Variants in TCTN2 observed in about 807,000 individuals in gnomAD.
The protein encoded by TCTN2 is tectonic family member 2.
Under a neutral mutation model 83.4 loss-of-function variants are expected in TCTN2, and 66 were observed. The observed-to-expected ratio is 0.79, with a 90% CI of 0.65 to 0.97. The LOEUF (loss-of-function observed/expected upper bound fraction) is 0.97. Ranked by LOEUF, TCTN2 falls within the 50% of genes least tolerant of loss-of-function variation. TCTN2 has a pLI of 0.00. For missense variants in TCTN2, 794 were observed against 858.1 expected, an observed-to-expected ratio of 0.93 and a Z score of 0.93; for synonymous variants, 301 against 326.7, an observed-to-expected ratio of 0.92 and a Z score of 0.85.
chr12:123,683,062 A>T (rs1955918952), intron 5 of TCTN2, among the ~76,000 whole-genome samples: 1 of 151,070 alleles, frequency 6.6e-6, no homozygotes, highest in Admixed American at 6.6e-5. Context: ...CATCTGTACT[A>T]AAATACAAAA....
chr12:123,696,392 G>A lies in TCTN2; in HGVS notation c.1313-23G>A, dbSNP rs759484345. ...GCTATGCTGGAGGAAACAGGCTCAC[G>A]TTCCTTTGTTGTGTTTGTCTAGGTT... On this transcript the variant is annotated intron_variant, in intron 11 of 17. Coordinates refer to ENST00000303372, the MANE Select transcript of TCTN2 (RefSeq NM_024809.5). 8 of 1,602,682 alleles carry A rather than the reference G, an allele frequency of 5.0e-6. No individual in the cohort carries two copies. In the Admixed American group the frequency reaches 5.0e-5, roughly 10 times the overall value.
intron 5 of TCTN2, among the ~76,000 whole-genome samples, chr12:123,684,719 T>C (rs1955942824): frequency 6.6e-6 from 1 of 151,930 alleles, no homozygotes; most frequent in African/African-American, 2.4e-5. Context: ...ATTTTTACAC[T>C]AAAAATTATC....
intron 7 of TCTN2, among the ~76,000 whole-genome samples, 186 bp from the exon 8 acceptor site, chr12:123,690,347 A>G (rs1464082970): frequency 6.6e-6 from 1 of 152,218 alleles, no homozygotes; most frequent in Non-Finnish European, 1.5e-5. Context: ...TGGCTTCCAG[A>G]CCTTGATGGG....
At chr12:123,687,945 C>A (rs1056333875) in intron 6 of TCTN2, 106 bp from the exon 7 acceptor site, 1 of 1,472,586 alleles carries the variant, frequency 6.8e-7, no homozygotes, top group Non-Finnish European at 9.4e-7. Context: ...GCCTGGGTGA[C>A]AGAGTGAGAC....
Position 123,696,289 on chromosome 12 carries a change from A to G in TCTN2, c.1313-126A>G, listed in dbSNP as rs545100601. 2.8e-5 allele frequency: 22 copies of G among 775,936 alleles called. No homozygotes were observed. The East Asian group carries it at 5.5e-4, about 19-fold the overall frequency. The allele number at this position is 775,936 out of a possible 1,614,324, so 48.1% of individuals were successfully genotyped here. A position where few individuals can be genotyped will look rare whatever the true frequency, so the allele number is the denominator to read the frequency against. On this transcript the variant is annotated intron_variant, in intron 11 of 17. Coordinates refer to ENST00000303372, the MANE Select transcript of TCTN2 (RefSeq NM_024809.5). ...ACCCGAAGTTGCCATCTTTCTCTCA[A>G]GGGTATTTTCGAAAGCTTCGCCTAT...
chr12:123,696,080 G>A, intron 11 of TCTN2: 1 of 334,782 alleles, frequency 3.0e-6, no homozygotes, highest in Non-Finnish European at 5.8e-6. Flanking sequence ...CTGACCTCAG[G>A]TGATCCACCC....
intron 13 of TCTN2, among the ~76,000 whole-genome samples, chr12:123,699,264 C>T (rs1956144688): frequency 6.6e-6 from 1 of 151,804 alleles, no homozygotes; most frequent in South Asian, 2.1e-4. Flanking sequence ...ATGCGCTCCT[C>T]CCACCTCAGC....
At chr12:123,701,678 G>C (rs1171291071) in intron 14 of TCTN2, among the ~76,000 whole-genome samples, 1 of 151,758 alleles carries the variant, frequency 6.6e-6, no homozygotes, top group African/African-American at 2.4e-5. Flanking sequence ...GGGAGGCGGA[G>C]CTTGCTGTGA....
At chr12:123,691,120 A>C (rs577751253) in intron 8 of TCTN2, among the ~76,000 whole-genome samples, 2 of 152,150 alleles carry the variant, frequency 1.3e-5, no homozygotes, top group Admixed American at 1.3e-4. Flanking sequence ...CCACTCTCCT[A>C]GGCCTCCCAA....
intron 4 of TCTN2, among the ~76,000 whole-genome samples, chr12:123,678,515 T>G (rs1490436853): frequency 1.3e-5 from 2 of 152,202 alleles, no homozygotes; most frequent in African/African-American, 4.8e-5. Flanking sequence ...CTTGAACTCC[T>G]GACCTCAGGT....
At chr12:123,671,734 G>A (rs1955755798) in intron 2 of TCTN2, 120 bp downstream of exon 2, 1 of 837,314 alleles carries the variant, frequency 1.2e-6, no homozygotes, top group South Asian at 1.5e-5. Context: ...AGTCGCATGG[G>A]GAGAAAAGGA....
intron 13 of TCTN2, 134 bp downstream of exon 13, chr12:123,697,332 C>T (rs1956122077): frequency 1.4e-6 from 1 of 736,016 alleles, no homozygotes; most frequent in Non-Finnish European, 2.4e-6. Context: ...ATAATAAATA[C>T]AGACATGTAA....
intron 5 of TCTN2, among the ~76,000 whole-genome samples, chr12:123,681,278 G>GA (rs1304466041): frequency 7.1e-6 from 1 of 140,970 alleles, no homozygotes; most frequent in East Asian, 1.9e-4. Flanking sequence ...AAGAAAGAAA[G>GA]AAATCACAGG....
Position 123,706,811 on chromosome 12 carries a change from T to C in TCTN2, c.1855T>C (p.Phe619Leu), listed in dbSNP as rs1487801486. ...TCTCCCTATCAGTGCATCCGTCCAGTTTATTAAAATTCCTGCACAGTTACC... is the reference window on the plus strand; with the variant it reads ...TCTCCCTATCAGTGCATCCGTCCAGCTTATTAAAATTCCTGCACAGTTACC... ...DLLPISASVQ[F>L]IKIPAQLPHP... is the part of the protein sequence containing the mutation. Residue 619 changes from phenylalanine (F) to leucine (L), a missense_variant, in exon 16 of 18, where the codon TTT becomes CTT. Transcript: ENST00000303372. 6.2e-7 allele frequency: 1 copy of C among 1,614,158 alleles called. No individual in the cohort carries two copies. Among genetic ancestry groups the C allele is most frequent in the Non-Finnish European group, 8.5e-7 (1 of 1,180,024 alleles).
At chr12:123,672,740 C>T (rs1298504407) in intron 3 of TCTN2, among the ~76,000 whole-genome samples, 3 of 151,490 alleles carry the variant, frequency 2.0e-5, no homozygotes, top group African/African-American at 7.3e-5. Context: ...CAGAGCAAGA[C>T]CCTGTCTCTT....
At chr12:123,705,736 C>T (rs182646396) in intron 15 of TCTN2, among the ~76,000 whole-genome samples, 5 of 150,942 alleles carry the variant, frequency 3.3e-5, no homozygotes, top group African/African-American at 1.2e-4. Flanking sequence ...AAGCCCCTTT[C>T]CTCCTCTTTC....
intron 14 of TCTN2, among the ~76,000 whole-genome samples, chr12:123,701,234 C>T (rs1054180097): frequency 2.6e-5 from 4 of 152,024 alleles, no homozygotes; most frequent in Non-Finnish European, 4.4e-5. Context: ...TAGTGGATGC[C>T]GGAGGTGGAG....
In TCTN2 at chr12:123,707,763, C is replaced by G. The variant is rs372047920; in HGVS notation, c.*50C>G. The G allele has an allele frequency of 1.4e-6, 2 of 1,459,428 alleles. No homozygotes were observed. The highest frequency in any genetic ancestry group is 1.9e-6 in the Non-Finnish European group (2 of 1,040,932). 90.4% of individuals were successfully genotyped at this position (1,459,428 alleles called of 1,614,324 possible). On this transcript the variant is annotated 3_prime_UTR_variant, in exon 18 of 18. Transcript: ENST00000303372. ...TGAGATGGAGTTTTGCTCTTGTTGC[C>G]CAGGCTGAAGTGATCTCGGCTCACC...
intron 13 of TCTN2, among the ~76,000 whole-genome samples, chr12:123,697,552 T>A (rs1480204728): frequency 2.0e-5 from 3 of 152,170 alleles, no homozygotes; most frequent in Non-Finnish European, 4.4e-5. Context: ...TAGGCTGGAG[T>A]GCAGTGGTGC....
Sources: gnomAD v4.1 joint callset for allele counts (sites outside exome capture counted in the v4.1 genomes callset) on GRCh38, gnomAD v4.1.1 for gene constraint, MANE v1.5 for transcripts, NCBI Gene and HGNC (gene_info 2026-07-23, HGNC 2026-07-21) for gene names.